The following LTBP1 variants were observed in gnomAD, a reference collection of about 807,000 sequenced individuals.
LTBP1 encodes latent transforming growth factor beta binding protein 1, also known as latent-transforming growth factor beta-binding protein 1.
A neutral mutation model predicts 207.6 loss-of-function variants in LTBP1; 129 were observed. The observed-to-expected ratio is 0.62, with a 90% CI of 0.54 to 0.72. LTBP1 has a LOEUF of 0.72. LTBP1 is among the 30% of genes least tolerant of loss of function. The pLI, the probability that LTBP1 is intolerant of heterozygous loss-of-function variation, is 0.00. For missense variants in LTBP1, 2,281 were observed against 2,217.2 expected (o/e 1.03, Z -0.58); for synonymous variants, 963 against 833.7 (o/e 1.16, Z -2.67).
chr2:33,385,007 T>G (rs1024131541), intron 31 of LTBP1, among the ~76,000 whole-genome samples: 2 of 152,234 alleles, frequency 1.3e-5, no homozygotes, highest in African/African-American at 4.8e-5. Context: ...TTCTCTTCTG[T>G]TAACTTATTC....
chr2:33,025,327 C>G (rs892030603), intron 3 of LTBP1, among the ~76,000 whole-genome samples: 2 of 152,036 alleles, frequency 1.3e-5, no homozygotes, highest in African/African-American at 2.4e-5. Context: ...TTAATTAGAA[C>G]TTGATAAATA....
chr2:33,174,848 C>T lies in LTBP1; in HGVS notation c.1202-12008C>T, dbSNP rs898455157. 9.0e-4 allele frequency among the ~76,000 whole-genome samples: 137 copies of T among 151,798 alleles called. 1 individual carries two copies. The highest frequency in any genetic ancestry group is 2.8e-3 in the Admixed American group (42 of 15,230). On this transcript the variant is annotated intron_variant, in intron 5 of 33. Transcript: ENST00000404816. ...AAGAGAACAGAGCCCTCAGAAATAA[C>T]GCCGCATATCTACAACTATCTGATC...
At chr2:33,337,002 CTTAAAA>C (rs2094560760) in intron 24 of LTBP1, among the ~76,000 whole-genome samples, 1 of 152,152 alleles carries the variant, frequency 6.6e-6, no homozygotes, top group Non-Finnish European at 1.5e-5. Flanking sequence ...GTGTTGAGTT[CTTAAAA>C]TTAAAACGAT....
At chr2:33,385,312 C>T (rs576727436) in intron 31 of LTBP1, among the ~76,000 whole-genome samples, 46 of 152,266 alleles carry the variant, frequency 3.0e-4, no homozygotes, top group African/African-American at 1.1e-3. Flanking sequence ...TTCCATTGCT[C>T]TTTACTGCAC....
intron 8 of LTBP1, among the ~76,000 whole-genome samples, chr2:33,217,955 A>T (rs991347375): frequency 6.6e-6 from 1 of 152,196 alleles, no homozygotes; most frequent in African/African-American, 2.4e-5. Flanking sequence ...AGAAAATAAG[A>T]TCTCTTTTAA....
At chr2:33,100,565 C>A (rs963347320) in intron 3 of LTBP1, among the ~76,000 whole-genome samples, 1 of 151,674 alleles carries the variant, frequency 6.6e-6, no homozygotes, top group South Asian at 2.1e-4. Context: ...GTAAAACTTG[C>A]CATCTTAACC....
At chr2:33,289,080 A>G (rs574559782) in intron 19 of LTBP1, among the ~76,000 whole-genome samples, 1 of 152,354 alleles carries the variant, frequency 6.6e-6, no homozygotes, top group South Asian at 2.1e-4. Context: ...TTAGATGAGT[A>G]GACCAGGAAA....
chr2:33,229,389 G>A (rs371567961), intron 9 of LTBP1, among the ~76,000 whole-genome samples: 12 of 152,122 alleles, frequency 7.9e-5, no homozygotes, highest in African/African-American at 2.9e-4. Flanking sequence ...CAGAAGGGTT[G>A]CTTGAGTCCG....
chr2:33,339,072 A>G (rs2094585667), intron 24 of LTBP1, among the ~76,000 whole-genome samples: 1 of 152,010 alleles, frequency 6.6e-6, no homozygotes, highest in Admixed American at 6.6e-5. Context: ...TGGAGATGGG[A>G]AGATGACCCA....
At chr2:33,306,074 T>C (rs1436856612) in intron 22 of LTBP1, among the ~76,000 whole-genome samples, 1 of 152,192 alleles carries the variant, frequency 6.6e-6, no homozygotes, top group East Asian at 1.9e-4. Context: ...TGTTGTGCTC[T>C]CGTAATGTTC....
rs146921416 is a variant in LTBP1 at position 32,985,677 on chromosome 2, A to G, written c.566-35232A>G. ...AAATACATGAGAGATTCATTTGTTC[A>G]TTGATTCAAATAATATTTATTGAGT... On this transcript the variant is annotated intron_variant, in intron 2 of 33. Transcript: ENST00000404816. Among the ~76,000 whole-genome samples, 574 of 152,316 alleles carry G rather than the reference A, an allele frequency of 3.8e-3. 5 individuals are homozygous for G. The highest frequency in any genetic ancestry group is 0.013 in the African/African-American group (550 of 41,560).
rs115386241 is a variant in LTBP1 at position 33,105,156 on chromosome 2, C to T, written c.864-5426C>T. Reference sequence around the variant, plus strand: ...CCACCAGCCTTCCTCCCAAAGTCATCATAGGCACACTGGGAAATACTGAGG... The same window carrying T: ...CCACCAGCCTTCCTCCCAAAGTCATTATAGGCACACTGGGAAATACTGAGG... On this transcript the variant is annotated intron_variant, in intron 3 of 33. Coordinates refer to ENST00000404816, the MANE Select transcript of LTBP1 (RefSeq NM_206943.4). Among the ~76,000 whole-genome samples, 1,312 of 152,250 alleles carry T rather than the reference C, an allele frequency of 8.6e-3. 15 individuals carry two copies. Among genetic ancestry groups the T allele is most frequent in the African/African-American group, 0.029 (1,201 of 41,544 alleles).
In LTBP1 at chr2:33,340,573, A is replaced by C. The variant is rs148925090; in HGVS notation, c.3731-2265A>C. ...GTCAGGGGTGACTGACCGGAAGATG[A>C]TCATGAGATTTAGTGATGAGCTGGT... On this transcript the variant is annotated intron_variant, in intron 24 of 33. Coordinates refer to ENST00000404816, the MANE Select transcript of LTBP1 (RefSeq NM_206943.4). 3.4e-3 allele frequency among the ~76,000 whole-genome samples: 512 copies of C among 152,324 alleles called. 2 individuals are homozygous for C. Among genetic ancestry groups the C allele is most frequent in the Non-Finnish European group, 5.7e-3 (386 of 68,032 alleles).
chr2:33,192,113 G>C (rs2087960411), intron 7 of LTBP1, among the ~76,000 whole-genome samples: 1 of 152,136 alleles, frequency 6.6e-6, no homozygotes, highest in African/African-American at 2.4e-5. Flanking sequence ...TACAAGAAAT[G>C]GGCAGGGAAG....
At chr2:33,362,567 G>T (rs1041164235) in intron 28 of LTBP1, among the ~76,000 whole-genome samples, 3 of 152,050 alleles carry the variant, frequency 2.0e-5, no homozygotes, top group Non-Finnish European at 4.4e-5. Context: ...TGCTGTAAAT[G>T]GTTGGAAGAA....
Position 33,019,328 on chromosome 2 carries a change from CTT to C in LTBP1, c.566-1556_566-1555del, listed in dbSNP as rs58570641. Among the ~76,000 whole-genome samples the C allele has an allele frequency of 8.9e-4, 78 of 87,706 alleles. 2 individuals are homozygous for C. Among genetic ancestry groups the C allele is most frequent in the African/African-American group, 2.8e-3 (66 of 23,686 alleles). 57.5% of individuals were successfully genotyped at this position (87,706 alleles called of 152,430 possible). Reference sequence around the variant, plus strand: ...ACTTAAGTCAGTAGCATGTACACTTCTTTTTTTTTTTTTTTTTTTTTTTTTTG... The same window carrying C: ...ACTTAAGTCAGTAGCATGTACACTTCTTTTTTTTTTTTTTTTTTTTTTTTG... On this transcript the variant is annotated intron_variant, in intron 2 of 33. Transcript: ENST00000404816.
chr2:33,399,018 A>G lies in LTBP1; in HGVS notation c.*473A>G, dbSNP rs1465375815. ...ATACAATATTGTTAAGCTGTATTATAAGTATTGTTACACAGGGTTATGCAA... is the reference window on the plus strand; with the variant it reads ...ATACAATATTGTTAAGCTGTATTATGAGTATTGTTACACAGGGTTATGCAA... On this transcript the variant is annotated 3_prime_UTR_variant, in exon 34 of 34. Coordinates refer to ENST00000404816, the MANE Select transcript of LTBP1 (RefSeq NM_206943.4). 2 of 152,788 alleles carry G rather than the reference A, an allele frequency of 1.3e-5. No individual in the cohort carries two copies. The highest frequency in any genetic ancestry group is 4.8e-5 in the African/African-American group (2 of 41,452). 9.5% of individuals were successfully genotyped at this position (152,788 alleles called of 1,614,324 possible). A position where few individuals can be genotyped will look rare whatever the true frequency, so the allele number is the denominator to read the frequency against.
At chr2:33,058,589 A>G (rs1016458589) in intron 3 of LTBP1, among the ~76,000 whole-genome samples, 5 of 152,358 alleles carry the variant, frequency 3.3e-5, no homozygotes, top group Non-Finnish European at 4.4e-5. Flanking sequence ...ATAAATATGC[A>G]AGAAGATCAA....
chr2:33,174,653 C>A (rs2085828743), intron 5 of LTBP1, among the ~76,000 whole-genome samples: 1 of 152,094 alleles, frequency 6.6e-6, no homozygotes, highest in Non-Finnish European at 1.5e-5. Flanking sequence ...TTGGAAAAAA[C>A]TACTTTAAAG....
Sources: gnomAD v4.1 joint callset for allele counts (sites outside exome capture counted in the v4.1 genomes callset) on GRCh38, gnomAD v4.1.1 for gene constraint, MANE v1.5 for transcripts, NCBI Gene and HGNC (gene_info 2026-07-23, HGNC 2026-07-21) for gene names.